The following JMJD1C variants were observed in gnomAD, a reference collection of about 807,000 sequenced individuals.
The protein encoded by JMJD1C is jumonji domain containing 1C, also known as jumonji domain-containing protein 1C.
Under a neutral mutation model 245.3 loss-of-function variants are expected in JMJD1C, and 31 were observed. The ratio of observed to expected loss-of-function variants is 0.13; its 90% confidence interval spans 0.09 to 0.17. JMJD1C has a LOEUF of 0.17. JMJD1C is among the 10% of genes least tolerant of loss of function. The pLI is 1.00. For synonymous variants in JMJD1C, 1,057 were observed against 1,017.4 expected (o/e 1.04, Z -0.74); for missense variants, 2,691 against 3,000.2 (o/e 0.90, Z 2.41).
intron 2 of JMJD1C, among the ~76,000 whole-genome samples, chr10:63,308,324 C>T (rs1196003627): frequency 6.6e-6 from 1 of 152,072 alleles, no homozygotes; most frequent in Non-Finnish European, 1.5e-5. Flanking sequence ...GATGATATCT[C>T]AAAATTCTAG....
chr10:63,311,169 G>A (rs1939134278), intron 2 of JMJD1C, among the ~76,000 whole-genome samples: 2 of 149,582 alleles, frequency 1.3e-5, no homozygotes, highest in South Asian at 2.1e-4. Flanking sequence ...TCTGTAGTTC[G>A]AGACCAGCCA....
rs540810823 is a variant in JMJD1C at position 63,244,254 on chromosome 10, C to T, written c.447+20397G>A. On this transcript the variant is annotated intron_variant, in intron 3 of 25. Coordinates refer to ENST00000399262, the MANE Select transcript of JMJD1C (RefSeq NM_032776.3). Reference sequence around the variant, plus strand: ...GAGGCACAAACCCCTAGCTAGTCTTCGCACTACCAGGATATTCTCCACTTT... The same window carrying T: ...GAGGCACAAACCCCTAGCTAGTCTTTGCACTACCAGGATATTCTCCACTTT... Among the ~76,000 whole-genome samples the T allele has an allele frequency of 1.1e-4, 17 of 152,222 alleles. No homozygotes were observed. In the South Asian group the frequency reaches 1.7e-3, roughly 15 times the overall value.
At chr10:63,209,031 T>A (rs1447898072) in intron 9 of JMJD1C, 32 bp downstream of exon 9, 1 of 1,529,556 alleles carries the variant, frequency 6.5e-7, no homozygotes, top group Non-Finnish European at 8.9e-7. Context: ...ATGAACAAGG[T>A]ATTTATAATT....
chr10:63,290,205 A>C (rs1858480742), intron 2 of JMJD1C, among the ~76,000 whole-genome samples: 1 of 152,210 alleles, frequency 6.6e-6, no homozygotes, highest in African/African-American at 2.4e-5. Flanking sequence ...AAAGGTCTAA[A>C]AGGCATATAT....
chr10:63,308,601 T>A (rs1938629958), intron 2 of JMJD1C, among the ~76,000 whole-genome samples: 3 of 137,972 alleles, frequency 2.2e-5, no homozygotes, highest in South Asian at 2.3e-4. Context: ...AAAAATAAGC[T>A]GCTATAGGAA....
At position 63,278,204 on chromosome 10, in the gene JMJD1C, G is replaced by C. The variant is rs941991551; in HGVS notation, c.334-13440C>G. Among the ~76,000 whole-genome samples the C allele has an allele frequency of 2.0e-5, 3 of 151,874 alleles. No individual in the cohort carries two copies. The South Asian group carries it at 6.2e-4, about 32-fold the overall frequency. ...GTGGGTTAAAGAGTACTGATTAATA[G>C]GCCAGGCACAGTGGCTCACAGCTGT... is the stretch of plus-strand genomic sequence containing the variant. On this transcript the variant is annotated intron_variant, in intron 2 of 25. Transcript: ENST00000399262.
chr10:63,474,847 T>C (rs1474741498), intron 1 of JMJD1C, among the ~76,000 whole-genome samples: 1 of 146,120 alleles, frequency 6.8e-6, no homozygotes, highest in African/African-American at 2.5e-5. Flanking sequence ...CAGCCTACTC[T>C]CAAATTATTA....
At chr10:63,389,325 A>G (rs1297569652) in intron 1 of JMJD1C, among the ~76,000 whole-genome samples, 20 of 149,066 alleles carry the variant, frequency 1.3e-4, no homozygotes, top group Admixed American at 1.3e-3. Context: ...AAAAAAAAAA[A>G]AAAGAAAAAG....
intron 2 of JMJD1C, among the ~76,000 whole-genome samples, chr10:63,302,248 G>A (rs10761739): frequency 6.6e-6 from 1 of 151,906 alleles, no homozygotes; most frequent in Non-Finnish European, 1.5e-5. Flanking sequence ...CTGTACTCAA[G>A]TCATCTCCCA....
intron 1 of JMJD1C, among the ~76,000 whole-genome samples, chr10:63,410,547 A>G (rs544591735): frequency 6.6e-6 from 1 of 152,324 alleles, no homozygotes; most frequent in African/African-American, 2.4e-5. Context: ...CCAGAGACAT[A>G]ATTATTAATG....
intron 3 of JMJD1C, among the ~76,000 whole-genome samples, chr10:63,258,647 C>T (rs1854296338): frequency 6.6e-6 from 1 of 152,210 alleles, no homozygotes. Context: ...CCACCTCATC[C>T]TTTCACTTAC....
At chr10:63,224,254 G>T (rs1029203438) in intron 3 of JMJD1C, among the ~76,000 whole-genome samples, 1 of 152,130 alleles carries the variant, frequency 6.6e-6, no homozygotes, top group Admixed American at 6.6e-5. Context: ...ATAAAGCAGA[G>T]TTACTAATAT....
At chr10:63,515,410 T>C (rs944673191) in intron 1 of JMJD1C, among the ~76,000 whole-genome samples, 1 of 152,178 alleles carries the variant, frequency 6.6e-6, no homozygotes, top group African/African-American at 2.4e-5. Flanking sequence ...GAGGACCTGG[T>C]AGAGCTCCAG....
chr10:63,261,610 T>C (rs765193988), intron 3 of JMJD1C, among the ~76,000 whole-genome samples: 4 of 152,056 alleles, frequency 2.6e-5, no homozygotes, highest in Non-Finnish European at 5.9e-5. Flanking sequence ...GTTAACTAAC[T>C]TAATACTTGC....
intron 2 of JMJD1C, among the ~76,000 whole-genome samples, chr10:63,347,254 C>T (rs757232654): frequency 1.3e-5 from 2 of 151,730 alleles, no homozygotes; most frequent in Non-Finnish European, 2.9e-5. Flanking sequence ...TTTTTGTCAA[C>T]TCCAACTTTA....
At chr10:63,239,452 T>C (rs1851211022) in intron 3 of JMJD1C, among the ~76,000 whole-genome samples, 1 of 150,364 alleles carries the variant, frequency 6.7e-6, no homozygotes, top group African/African-American at 2.4e-5. Context: ...TACATGTTGA[T>C]TTTTTTTTTG....
intron 2 of JMJD1C, among the ~76,000 whole-genome samples, chr10:63,370,242 C>T (rs532821517): frequency 1.3e-5 from 2 of 152,336 alleles, no homozygotes; most frequent in East Asian, 3.9e-4. Context: ...TTATATCAAT[C>T]TTCCAGTGAT....
intron 2 of JMJD1C, among the ~76,000 whole-genome samples, chr10:63,285,136 C>T (rs150127761): frequency 9.2e-4 from 140 of 152,260 alleles, no homozygotes; most frequent in African/African-American, 3.2e-3. Context: ...CCATTGATAA[C>T]AAAATGTCGA....
chr10:63,463,842 T>C (rs1952978817), intron 1 of JMJD1C, among the ~76,000 whole-genome samples: 1 of 152,192 alleles, frequency 6.6e-6, no homozygotes, highest in Admixed American at 6.5e-5. Flanking sequence ...AAACTCCTAT[T>C]CTTTCCAGTC....
Sources: gnomAD v4.1 joint callset for allele counts (sites outside exome capture counted in the v4.1 genomes callset) on GRCh38, gnomAD v4.1.1 for gene constraint, MANE v1.5 for transcripts, NCBI Gene and HGNC (gene_info 2026-07-23, HGNC 2026-07-21) for gene names.